Variants in MAOA observed in about 807,000 individuals in gnomAD.
The protein encoded by MAOA is monoamine oxidase A, also known as amine oxidase [flavin-containing] A.
In MAOA, 6 loss-of-function variants were observed where a neutral mutation model predicts 42.0. The ratio of observed to expected loss-of-function variants is 0.14; its 90% CI spans 0.08 to 0.28. The LOEUF (loss-of-function observed/expected upper bound fraction) is 0.28. MAOA is among the 10% of genes least tolerant of loss of function. The pLI is 1.00. For missense variants in MAOA, 262 were observed against 422.3 expected (o/e 0.62, Z 3.33); for synonymous variants, 140 against 154.0 (o/e 0.91, Z 0.67).
At chrX:43,715,063 G>A (rs1016439248) in intron 5 of MAOA, among the ~76,000 whole-genome samples, 2 of 110,805 alleles carry the variant, frequency 1.8e-5, no homozygotes, top group Non-Finnish European at 3.8e-5. Flanking sequence ...GATGGGGTGA[G>A]GGAGATGGTC....
chrX:43,742,902 G>T (rs1601951026), intron 12 of MAOA, among the ~76,000 whole-genome samples: 1 of 107,805 alleles, frequency 9.3e-6, no homozygotes, highest in Non-Finnish European at 1.9e-5. Flanking sequence ...TTTTTAGTCT[G>T]TTTTTTTTTC....
chrX:43,735,767 G>T (rs1396309551), intron 9 of MAOA, among the ~76,000 whole-genome samples: 1 of 112,796 alleles, frequency 8.9e-6, no homozygotes, highest in Non-Finnish European at 1.9e-5. Flanking sequence ...AATTACTGGG[G>T]AAGGTTTCAG....
chrX:43,728,186 T>A lies in MAOA; in HGVS notation c.517T>A (p.Phe173Ile). 8.3e-7 allele frequency: 1 copy of A among 1,210,431 alleles called. No homozygotes were observed. The highest frequency in any genetic ancestry group is 1.1e-6 in the Non-Finnish European group (1 of 894,601). Residue 173 changes from phenylalanine (F) to isoleucine (I), a missense_variant, in exon 6 of 15, where the codon TTT becomes ATT. Transcript: ENST00000338702. ...TTCTATGAACAGGACTGCTAGGCGGTTTGCTTATCTTTTTGTGAATATCAA... is the reference window on the plus strand; with the variant it reads ...TTCTATGAACAGGACTGCTAGGCGGATTGCTTATCTTTTTGTGAATATCAA... ...KICWTKTARR[F>I]AYLFVNINVT...
chrX:43,702,364 C>T (rs2033630906), intron 3 of MAOA, among the ~76,000 whole-genome samples: 1 of 111,935 alleles, frequency 8.9e-6, no homozygotes, highest in African/African-American at 3.2e-5. Context: ...GAGAGTGGTT[C>T]AAGGTCCTAC....
intron 1 of MAOA, among the ~76,000 whole-genome samples, chrX:43,669,036 A>G (rs928702776): frequency 1.8e-5 from 2 of 110,254 alleles, no homozygotes; most frequent in African/African-American, 6.6e-5. Flanking sequence ...GCTCTTGTTG[A>G]GTTGATGTTG....
intron 12 of MAOA, among the ~76,000 whole-genome samples, chrX:43,742,668 C>T (rs748382616): frequency 2.7e-4 from 30 of 112,150 alleles, no homozygotes; most frequent in African/African-American, 9.1e-4. Context: ...AAGTGATAGC[C>T]TCCTACCAGG....
chrX:43,717,159 A>G (rs1271184926), intron 5 of MAOA, among the ~76,000 whole-genome samples: 2 of 110,550 alleles, frequency 1.8e-5, no homozygotes, highest in Non-Finnish European at 3.8e-5. Context: ...GACAAGGTGG[A>G]TAGTGTTGAA....
At chrX:43,728,366 C>T in intron 6 of MAOA, 52 bp downstream of exon 6, 1 of 1,173,052 alleles carries the variant, frequency 8.5e-7, no homozygotes, top group Non-Finnish European at 1.2e-6. Flanking sequence ...TGTGATTTTG[C>T]TTTCTCCCAG....
At chrX:43,714,691 A>C (rs2033726149) in intron 5 of MAOA, among the ~76,000 whole-genome samples, 1 of 107,156 alleles carries the variant, frequency 9.3e-6, no homozygotes, top group Admixed American at 1.0e-4. Flanking sequence ...GGGAGTGGGG[A>C]ACAAGAATGG....
chrX:43,711,068 A>G (rs958666935), intron 3 of MAOA, among the ~76,000 whole-genome samples: 2 of 111,931 alleles, frequency 1.8e-5, no homozygotes, highest in African/African-American at 6.5e-5. Context: ...CTCCATGGTC[A>G]GAGTCCTCTG....
intron 9 of MAOA, among the ~76,000 whole-genome samples, chrX:43,734,777 A>ATT (rs2033908132): frequency 8.9e-6 from 1 of 112,283 alleles, no homozygotes. Context: ...CAAAGAGATT[A>ATT]TTTCATTCAT....
At chrX:43,698,266 A>G (rs1028312125) in intron 3 of MAOA, among the ~76,000 whole-genome samples, 24 of 111,921 alleles carry the variant, frequency 2.1e-4, no homozygotes, top group African/African-American at 7.5e-4. Context: ...AGCTTACTCT[A>G]GGATGGTTTT....
At chrX:43,722,982 G>C (rs112623571) in intron 5 of MAOA, among the ~76,000 whole-genome samples, 213 of 111,626 alleles carry the variant, frequency 1.9e-3, no homozygotes, top group African/African-American at 6.6e-3. Context: ...GTTTGTCAAA[G>C]ATCAAATGGT....
chrX:43,681,883 T>A (rs1277285064), intron 1 of MAOA, among the ~76,000 whole-genome samples: 1,628 of 104,042 alleles, frequency 0.016, 35 homozygotes, highest in African/African-American at 0.047. Flanking sequence ...TATATATATT[T>A]TTTTTTTTTT....
intron 10 of MAOA, 66 bp downstream of exon 10, chrX:43,736,346 T>A: frequency 1.4e-6 from 1 of 702,276 alleles, no homozygotes; most frequent in Non-Finnish European, 2.2e-6. Context: ...GCACTGACAG[T>A]AGTAGAATAA....
In MAOA at chrX:43,744,896, G is replaced by C. The variant is rs2033987964; in HGVS notation, c.*383G>C. ...AGCATTTGACTTTCTGTCTGTGGAG[G>C]TGGAGTAGGTGAAGGCCCAGCCTGT... On this transcript the variant is annotated 3_prime_UTR_variant, in exon 15 of 15. Coordinates refer to ENST00000338702, the MANE Select transcript of MAOA (RefSeq NM_000240.4). The C allele has an allele frequency of 8.3e-6, 2 of 240,453 alleles. No individual in the cohort carries two copies. The highest frequency in any genetic ancestry group is 1.2e-4 in the Admixed American group (2 of 17,316). The allele number at this position is 240,453 out of a possible 1,213,427, so 19.8% of individuals were successfully genotyped here. A position where few individuals can be genotyped will look rare whatever the true frequency, so the allele number is the denominator to read the frequency against.
intron 1 of MAOA, among the ~76,000 whole-genome samples, chrX:43,664,337 T>C (rs941057920): frequency 5.4e-5 from 6 of 111,789 alleles, no homozygotes; most frequent in Non-Finnish European, 1.1e-4. Context: ...TTTTCAAAGA[T>C]TGTTTATTTA....
intron 1 of MAOA, among the ~76,000 whole-genome samples, chrX:43,662,216 C>T (rs1051570389): frequency 2.7e-5 from 3 of 111,433 alleles, no homozygotes; most frequent in South Asian, 3.7e-4. Context: ...TCAATGTGGG[C>T]TGAGCATTAA....
At chrX:43,664,267 T>G (rs1405370430) in intron 1 of MAOA, among the ~76,000 whole-genome samples, 1 of 112,265 alleles carries the variant, frequency 8.9e-6, no homozygotes, top group Non-Finnish European at 1.9e-5. Flanking sequence ...AGAAAGAATT[T>G]GGGAGAAAAC....
Sources: allele counts gnomAD v4.1 joint callset (sites outside exome capture counted in the v4.1 genomes callset), GRCh38; gene constraint gnomAD v4.1.1; transcripts MANE v1.5; gene names NCBI Gene and HGNC (gene_info 2026-07-23, HGNC 2026-07-21).